The following SLCO5A1 variants were observed in gnomAD, a reference collection of about 807,000 sequenced individuals.
The protein encoded by SLCO5A1 is solute carrier organic anion transporter family member 5A1, also known as organic anion transporter polypeptide-related protein 4.
In SLCO5A1, 39 loss-of-function variants were observed where a neutral mutation model predicts 65.1. The ratio of observed to expected loss-of-function variants is 0.60; its 90% CI spans 0.46 to 0.78. The LOEUF is 0.78. SLCO5A1 is among the 30% of genes least tolerant of loss of function. The pLI is 0.00. For missense variants in SLCO5A1, 1,029 were observed against 1,069.4 expected, an observed-to-expected ratio of 0.96 and a Z score of 0.53; for synonymous variants, 438 against 415.7, an observed-to-expected ratio of 1.05 and a Z score of -0.65.
intron 2 of SLCO5A1, among the ~76,000 whole-genome samples, chr8:69,828,474 C>T (rs532304118): frequency 6.1e-4 from 92 of 151,816 alleles, no homozygotes; most frequent in Non-Finnish European, 1.1e-3. Context: ...TGGTGGTGGG[C>T]GCCTGTAGTC....
chr8:69,724,255 T>C lies in SLCO5A1; in HGVS notation c.1423+13785A>G, dbSNP rs188957655. 2.0e-5 allele frequency among the ~76,000 whole-genome samples: 3 copies of C among 152,330 alleles called. No individual in the cohort carries two copies. In the East Asian group the frequency reaches 5.8e-4, roughly 29 times the overall value. ...TTAAGGAAGATATTGCTAAATAATA[T>C]CTTCTGAACTACTGAATAATGTATC... is the stretch of plus-strand genomic sequence containing the variant. On this transcript the variant is annotated intron_variant, in intron 5 of 9. Transcript: ENST00000260126.
At chr8:69,794,352 A>G (rs984762844) in intron 2 of SLCO5A1, 12 of 430,322 alleles carry the variant, frequency 2.8e-5, no homozygotes, top group Non-Finnish European at 5.5e-5. Flanking sequence ...ACAGTTCATC[A>G]TAACTGCTCT....
intron 2 of SLCO5A1, among the ~76,000 whole-genome samples, chr8:69,766,042 T>C (rs1055702354): frequency 4.6e-5 from 7 of 152,118 alleles, no homozygotes; most frequent in Admixed American, 2.0e-4. Flanking sequence ...GTACTATTAG[T>C]CTCTCTCTCA....
intron 5 of SLCO5A1, among the ~76,000 whole-genome samples, chr8:69,727,280 C>G (rs1563686229): frequency 6.6e-6 from 1 of 152,130 alleles, no homozygotes; most frequent in African/African-American, 2.4e-5. Flanking sequence ...GATGAAAAAA[C>G]AGAGTAAGAA....
At chr8:69,772,166 C>A (rs1361705720) in intron 2 of SLCO5A1, among the ~76,000 whole-genome samples, 1 of 152,162 alleles carries the variant, frequency 6.6e-6, no homozygotes, top group Non-Finnish European at 1.5e-5. Context: ...TCACTTGCAA[C>A]CTCGGGGAAC....
At chr8:69,803,279 T>C (rs534556048) in intron 2 of SLCO5A1, among the ~76,000 whole-genome samples, 70 of 152,242 alleles carry the variant, frequency 4.6e-4, no homozygotes, top group African/African-American at 1.7e-3. Flanking sequence ...TTTCTGGGCA[T>C]GGTGGCATAC....
intron 4 of SLCO5A1, among the ~76,000 whole-genome samples, chr8:69,742,279 C>A (rs1433165434): frequency 2.0e-5 from 3 of 152,004 alleles, no homozygotes; most frequent in Admixed American, 6.6e-5. Context: ...AAATTTGCAA[C>A]CAAATACTTA....
intron 2 of SLCO5A1, among the ~76,000 whole-genome samples, chr8:69,803,504 G>A (rs1297657433): frequency 1.3e-5 from 2 of 152,090 alleles, no homozygotes; most frequent in African/African-American, 4.8e-5. Context: ...CTTGTGAGCT[G>A]AGATCACGCC....
intron 2 of SLCO5A1, among the ~76,000 whole-genome samples, chr8:69,785,612 G>T (rs1819016939): frequency 6.6e-6 from 1 of 152,168 alleles, no homozygotes; most frequent in South Asian, 2.1e-4. Flanking sequence ...GAAGCTGTCT[G>T]ATCTTTGAAA....
intron 2 of SLCO5A1, among the ~76,000 whole-genome samples, chr8:69,767,720 T>A (rs1158295913): frequency 6.6e-6 from 1 of 151,292 alleles, no homozygotes; most frequent in Non-Finnish European, 1.5e-5. Flanking sequence ...TGAAACCCCA[T>A]CTCTACTAAA....
intron 2 of SLCO5A1, among the ~76,000 whole-genome samples, chr8:69,819,561 TG>T (rs1364493293): frequency 6.6e-6 from 1 of 152,148 alleles, no homozygotes; most frequent in African/African-American, 2.4e-5. Context: ...GAACTCAAGG[TG>T]GGGAAAGAGG....
At chr8:69,676,034 CTG>C (rs1813533535) in intron 9 of SLCO5A1, among the ~76,000 whole-genome samples, 3 of 152,188 alleles carry the variant, frequency 2.0e-5, no homozygotes, top group Admixed American at 2.0e-4. Context: ...CAAATGTACT[CTG>C]TGGTTTATCA....
At chr8:69,723,314 C>T (rs760647247) in intron 5 of SLCO5A1, among the ~76,000 whole-genome samples, 2 of 152,036 alleles carry the variant, frequency 1.3e-5, no homozygotes, top group African/African-American at 4.8e-5. Flanking sequence ...TGCAGTGGTG[C>T]GATCTTGGCT....
intron 5 of SLCO5A1, among the ~76,000 whole-genome samples, chr8:69,729,705 C>CGT (rs201751869): frequency 2.2e-3 from 331 of 151,428 alleles, no homozygotes; most frequent in African/African-American, 7.6e-3. Context: ...AGAGAGAGAG[C>CGT]GTGTGTGTGT....
intron 9 of SLCO5A1, among the ~76,000 whole-genome samples, chr8:69,674,289 G>A (rs1362940042): frequency 2.0e-5 from 3 of 152,136 alleles, no homozygotes; most frequent in Non-Finnish European, 4.4e-5. Flanking sequence ...AAAATTTATG[G>A]AAGATAGCAA....
At chr8:69,761,134 A>G (rs1013381187) in intron 3 of SLCO5A1, among the ~76,000 whole-genome samples, 2 of 152,240 alleles carry the variant, frequency 1.3e-5, no homozygotes, top group African/African-American at 4.8e-5. Flanking sequence ...TCTGCTATAA[A>G]GGAAGCACCC....
chr8:69,824,338 G>A (rs970295909), intron 2 of SLCO5A1, among the ~76,000 whole-genome samples: 4 of 152,282 alleles, frequency 2.6e-5, no homozygotes, highest in Admixed American at 6.5e-5. Flanking sequence ...GAATCCAGGA[G>A]CTGGTTTTTT....
In SLCO5A1 at chr8:69,755,517, C is replaced by T. The variant is rs1447336291; in HGVS notation, c.1165G>A (p.Val389Ile). The T allele has an allele frequency of 6.8e-6, 11 of 1,614,114 alleles. No individual in the cohort carries two copies. Among genetic ancestry groups the T allele is most frequent in the Non-Finnish European group, 9.3e-6 (11 of 1,179,990 alleles). The part of the protein sequence containing the change: ...KKKKKFSVDA[V>I]SDDDVLKEKS... ...TCCTTCAGAACATCGTCATCACTAA[C>T]AGCATCAACAGAAAATTTTTTCTTT... Residue 389 changes from valine (V) to isoleucine (I), a missense_variant, in exon 4 of 10, where the codon GTT becomes ATT. By Grantham distance (29) the Val-to-Ile change is conservative. Coordinates refer to ENST00000260126, the MANE Select transcript of SLCO5A1 (RefSeq NM_030958.3).
intron 2 of SLCO5A1, among the ~76,000 whole-genome samples, chr8:69,795,330 G>C (rs1428774181): frequency 6.6e-6 from 1 of 152,170 alleles, no homozygotes; most frequent in East Asian, 1.9e-4. Context: ...AAACAAGTTA[G>C]TTACTTCCAA....
Sources: allele counts gnomAD v4.1 joint callset (sites outside exome capture counted in the v4.1 genomes callset), GRCh38; gene constraint gnomAD v4.1.1; transcripts MANE v1.5; gene names NCBI Gene and HGNC (gene_info 2026-07-23, HGNC 2026-07-21).